Variants in TANK observed in about 807,000 individuals in gnomAD.
TANK encodes the protein TRAF family member-associated NF-kappa-B activator.
In TANK, 15 loss-of-function variants were observed where a neutral mutation model predicts 43.6. That is an observed-to-expected ratio of 0.34 (90% CI 0.23 to 0.53). The LOEUF (loss-of-function observed/expected upper bound fraction) is 0.53. Ranked by LOEUF, TANK falls within the 20% of genes least tolerant of loss-of-function variation. The pLI, the probability that TANK is intolerant of heterozygous loss-of-function variation, is 0.94. For synonymous variants in TANK, 162 were observed against 178.2 expected (o/e 0.91, Z 0.73); for missense variants, 417 against 498.6 (o/e 0.84, Z 1.56).
chr2:161,151,484 C>A (rs980253788), intron 1 of TANK, among the ~76,000 whole-genome samples: 4 of 151,878 alleles, frequency 2.6e-5, no homozygotes, highest in African/African-American at 4.8e-5. Context: ...ATTGCTATAT[C>A]TTCTTGATGA....
chr2:161,196,907 GAAAAT>G (rs1686178039), intron 2 of TANK, among the ~76,000 whole-genome samples: 1 of 152,106 alleles, frequency 6.6e-6, no homozygotes, highest in African/African-American at 2.4e-5. Flanking sequence ...ATGAGATAAA[GAAAAT>G]AAAACTGATT....
chr2:161,218,088 G>A (rs1010354416), intron 4 of TANK, among the ~76,000 whole-genome samples: 5 of 152,016 alleles, frequency 3.3e-5, no homozygotes, highest in Non-Finnish European at 7.4e-5. Flanking sequence ...GACTCGTTTG[G>A]CAAAACTTGA....
At chr2:161,148,740 A>G (rs1683988103) in intron 1 of TANK, among the ~76,000 whole-genome samples, 2 of 152,118 alleles carry the variant, frequency 1.3e-5, no homozygotes, top group Non-Finnish European at 2.9e-5. Context: ...GCATGTGGTT[A>G]TCACTTGTCC....
intron 4 of TANK, among the ~76,000 whole-genome samples, chr2:161,205,362 T>C (rs891161378): frequency 3.3e-5 from 5 of 151,994 alleles, no homozygotes; most frequent in Non-Finnish European, 5.9e-5. Flanking sequence ...GCCACATACA[T>C]ATGTACATAT....
At chr2:161,161,258 T>G (rs76016690) in intron 1 of TANK, 6 of 1,550,148 alleles carry the variant, frequency 3.9e-6, no homozygotes, top group Non-Finnish European at 5.2e-6. Flanking sequence ...CCTTGCTATG[T>G]AAAGTGGTGT....
At chr2:161,210,203 C>G (rs1172227388) in intron 4 of TANK, among the ~76,000 whole-genome samples, 1 of 152,060 alleles carries the variant, frequency 6.6e-6, no homozygotes, top group Non-Finnish European at 1.5e-5. Context: ...CTGGCAATTG[C>G]AAGCAGTAAG....
intron 1 of TANK, among the ~76,000 whole-genome samples, chr2:161,137,504 G>A (rs979926811): frequency 2.2e-4 from 33 of 152,200 alleles, no homozygotes; most frequent in African/African-American, 7.9e-4. Flanking sequence ...TGGAATGAGA[G>A]CCTTCTCCAA....
At chr2:161,214,199 AACATGAC>A (rs1687023577) in intron 4 of TANK, among the ~76,000 whole-genome samples, 3 of 152,184 alleles carry the variant, frequency 2.0e-5, no homozygotes, top group African/African-American at 7.2e-5. Context: ...TGCTTTCCTT[AACATGAC>A]AGGCTAACTT....
chr2:161,143,573 C>G (rs180913412), intron 1 of TANK, among the ~76,000 whole-genome samples: 1 of 152,152 alleles, frequency 6.6e-6, no homozygotes, highest in African/African-American at 2.4e-5. Context: ...TTGAGATAAC[C>G]ATGTGGTTTT....
intron 2 of TANK, among the ~76,000 whole-genome samples, chr2:161,180,711 C>G (rs1369696409): frequency 6.6e-6 from 1 of 152,104 alleles, no homozygotes; most frequent in Admixed American, 6.6e-5. Flanking sequence ...AACATTGGAT[C>G]ATACTCATAG....
intron 2 of TANK, among the ~76,000 whole-genome samples, chr2:161,195,142 G>T (rs1256612528): frequency 6.6e-6 from 1 of 152,156 alleles, no homozygotes; most frequent in Non-Finnish European, 1.5e-5. Context: ...TGTTCAAGGA[G>T]ATTGGTTAAT....
intron 1 of TANK, among the ~76,000 whole-genome samples, chr2:161,179,282 A>C (rs1685312513): frequency 6.6e-6 from 1 of 152,124 alleles, no homozygotes; most frequent in Non-Finnish European, 1.5e-5. Context: ...CACATTGCTG[A>C]TCCTATTGTA....
chr2:161,234,120 C>G (rs1183448931), intron 7 of TANK, among the ~76,000 whole-genome samples: 1 of 152,006 alleles, frequency 6.6e-6, no homozygotes, highest in African/African-American at 2.4e-5. Flanking sequence ...ATATTTACAC[C>G]AATTGTACAC....
At chr2:161,166,497 C>T (rs371264763) in intron 1 of TANK, among the ~76,000 whole-genome samples, 3 of 152,210 alleles carry the variant, frequency 2.0e-5, no homozygotes, top group African/African-American at 7.2e-5. Flanking sequence ...CTTTAAAGAT[C>T]TTCCTAACCA....
At chr2:161,219,500 A>G (rs1394184819) in intron 4 of TANK, among the ~76,000 whole-genome samples, 2 of 152,190 alleles carry the variant, frequency 1.3e-5, no homozygotes, top group Admixed American at 1.3e-4. Context: ...CTAGATTTTC[A>G]GGAATGTTAA....
At chr2:161,198,967 G>A (rs1443269408) in intron 2 of TANK, among the ~76,000 whole-genome samples, 1 of 152,136 alleles carries the variant, frequency 6.6e-6, no homozygotes, top group African/African-American at 2.4e-5. Context: ...TCTCTGGGTT[G>A]CTGATCCTGT....
intron 4 of TANK, among the ~76,000 whole-genome samples, chr2:161,207,086 T>C (rs1358388689): frequency 6.6e-6 from 1 of 152,092 alleles, no homozygotes; most frequent in Admixed American, 6.5e-5. Flanking sequence ...TCAATAAGTA[T>C]CAAAAGCAGA....
At chr2:161,145,133 C>CA (rs1491314658) in intron 1 of TANK, among the ~76,000 whole-genome samples, 3 of 32,830 alleles carry the variant, frequency 9.1e-5, no homozygotes, top group Non-Finnish European at 5.1e-5. Flanking sequence ...GCAACCCCTG[C>CA]TTTTTTTTTT....
At position 161,160,559 on chromosome 2, in the gene TANK, G is replaced by T. The variant is rs995849149; in HGVS notation, c.-50+73G>T. On this transcript the variant is annotated intron_variant, in intron 1 of 7. Coordinates refer to ENST00000392749, the MANE Select transcript of TANK (RefSeq NM_001199135.3). ...GACGTCGGAGAATTTGTATGCGTGA[G>T]CGAGAGGGACGCGCTGACAGTAGGG... 4 of 1,186,570 alleles carry T rather than the reference G, an allele frequency of 3.4e-6. No individual in the cohort carries two copies. In the Admixed American group the frequency reaches 1.0e-4, roughly 30 times the overall value. The allele number at this position is 1,186,570 out of a possible 1,614,324, so 73.5% of individuals were successfully genotyped here.
Sources: gnomAD v4.1 joint callset for allele counts (sites outside exome capture counted in the v4.1 genomes callset) on GRCh38, gnomAD v4.1.1 for gene constraint, MANE v1.5 for transcripts, NCBI Gene and HGNC (gene_info 2026-07-23, HGNC 2026-07-21) for gene names.